Variants in ZNF92 observed in about 807,000 individuals in gnomAD.
ZNF92 encodes the protein epididymis luminal protein 203.
ZNF92 carries 11 observed loss-of-function variants against 12.4 expected under a neutral mutation model. The observed-to-expected ratio is 0.89, with a 90% CI of 0.56 to 1.47. The LOEUF is 1.47. Among genes scored for constraint, ZNF92 ranks in the 40% most tolerant of loss-of-function variants. The pLI is 0.00. For missense variants in ZNF92, 622 were observed against 681.0 expected, an observed-to-expected ratio of 0.91 and a Z score of 0.96; for synonymous variants, 206 against 228.6, an observed-to-expected ratio of 0.90 and a Z score of 0.89.
chr7:65,374,366 C>T (rs912761529), intron 1 of ZNF92, among the ~76,000 whole-genome samples: 3 of 152,048 alleles, frequency 2.0e-5, no homozygotes, highest in Non-Finnish European at 4.4e-5. Context: ...GAGCTTTGGT[C>T]CGTGTGGTTC....
At chr7:65,388,728 C>A in intron 2 of ZNF92, 78 bp from the exon 3 acceptor site, 1 of 1,172,416 alleles carries the variant, frequency 8.5e-7, no homozygotes, top group Non-Finnish European at 1.2e-6. Flanking sequence ...CTATTGCATC[C>A]TCTTTACTGA....
rs1195167112 is a variant in ZNF92, at chr7:65,399,132, C to G, written c.1018C>G (p.Pro340Ala). ...TAAGATAATCCATACTGGGGAAAAACCATACAAATGTGAAGAATGTGGCAA... is the reference window on the plus strand; with the variant it reads ...TAAGATAATCCATACTGGGGAAAAAGCATACAAATGTGAAGAATGTGGCAA... Reference protein sequence around the residue: ...KHKIIHTGEKPYKCEECGKAF... With the variant: ...KHKIIHTGEKAYKCEECGKAF... The change falls in exon 4 of 4, where the codon CCA (proline) becomes GCA (alanine). Residue 340 changes from proline to alanine, a missense_variant. Physicochemically the swap from Pro to Ala is conservative, Grantham distance 27. Transcript: ENST00000328747. The G allele has an allele frequency of 6.2e-7, 1 of 1,612,544 alleles. No homozygotes were observed. The highest frequency in any genetic ancestry group is 1.1e-5 in the South Asian group (1 of 90,916).
At chr7:65,382,122 C>T (rs1486407439) in intron 1 of ZNF92, among the ~76,000 whole-genome samples, 2 of 151,958 alleles carry the variant, frequency 1.3e-5, no homozygotes, top group African/African-American at 4.8e-5. Flanking sequence ...ACACGGATGG[C>T]CTCCCCAGTT....
intron 1 of ZNF92, 26 bp downstream of exon 1, chr7:65,374,026 G>A (rs773303883): frequency 6.2e-7 from 1 of 1,614,054 alleles, no homozygotes. Context: ...CCCACATCCC[G>A]AGAGAGGGGG....
At chr7:65,386,027 T>A (rs2116363942) in intron 1 of ZNF92, among the ~76,000 whole-genome samples, 1 of 152,024 alleles carries the variant, frequency 6.6e-6, no homozygotes, top group East Asian at 1.9e-4. Flanking sequence ...AATTTTTATT[T>A]ATTTATTTTT....
Position 65,398,908 on chromosome 7 carries a change from C to A in ZNF92, c.794C>A (p.Ala265Asp), listed in dbSNP as rs1793925475. Residue 265 changes from alanine (A) to aspartate (D), a missense_variant, in exon 4 of 4, where the codon GCT becomes GAT. Ala to Asp is a moderately radical substitution (Grantham distance 126). Coordinates refer to ENST00000328747, the MANE Select transcript of ZNF92 (RefSeq NM_152626.4). ...KPYKCEECGK[A>D]FNRSSTLTKH... ...TACAAATGTGAAGAATGTGGCAAAG[C>A]TTTTAACCGGTCCTCAACCCTTACT... The A allele has an allele frequency of 6.2e-7, 1 of 1,613,092 alleles. No individual in the cohort carries two copies. Among genetic ancestry groups the A allele is most frequent in the Non-Finnish European group, 8.5e-7 (1 of 1,179,776 alleles).
intron 3 of ZNF92, among the ~76,000 whole-genome samples, chr7:65,394,614 A>G (rs1793802070): frequency 6.6e-6 from 1 of 152,016 alleles, no homozygotes; most frequent in Admixed American, 6.6e-5. Context: ...TTTCTTTACC[A>G]CTGTAGGTTG....
In ZNF92 at chr7:65,387,941, C is replaced by G. The variant is rs774136467; in HGVS notation, c.43C>G (p.Leu15Val). ...TFRDVKIEFS[L>V]EEWQCLDTAQ... ...TAGGGATGTGAAAATAGAATTCTCT[C>G]TAGAGGAATGGCAATGCCTGGACAC... Residue 15 changes from leucine (L) to valine (V), a missense_variant, in exon 2 of 4, where the codon CTA becomes GTA. Leu to Val is a conservative substitution (Grantham distance 32, BLOSUM62 1). Coordinates refer to ENST00000328747, the MANE Select transcript of ZNF92 (RefSeq NM_152626.4). 1 of 1,608,272 alleles carries G rather than the reference C, an allele frequency of 6.2e-7. No individual in the cohort carries two copies. Among genetic ancestry groups the G allele is most frequent in the East Asian group, 2.2e-5 (1 of 44,662 alleles).
chr7:65,394,654 T>C (rs1338838117), intron 3 of ZNF92, among the ~76,000 whole-genome samples: 1 of 152,116 alleles, frequency 6.6e-6, no homozygotes, highest in African/African-American at 2.4e-5. Context: ...TGAAGTTTTT[T>C]TGTTTGTTTT....
At position 65,398,580 on chromosome 7, in the gene ZNF92, A is replaced by G. The variant is rs776666948; in HGVS notation, c.466A>G (p.Lys156Glu). 1.1e-5 allele frequency: 18 copies of G among 1,607,892 alleles called. No homozygotes were observed. The highest frequency in any genetic ancestry group is 1.4e-5 in the Non-Finnish European group (17 of 1,178,188). Residue 156 changes from lysine (K) to glutamate (E), a missense_variant, in exon 4 of 4, where the codon AAA (lysine) becomes GAA (glutamate). By Grantham distance (56) the Lys-to-Glu change is moderately conservative. Transcript: ENST00000328747. ...QCDKYVKVFH[K>E]FPNVNRNKIR... is the part of the protein sequence containing the mutation. ...TGATAAATATGTGAAAGTCTTTCAT[A>G]AATTTCCAAATGTAAATAGAAATAA...
chr7:65,399,344 A>G lies in ZNF92; in HGVS notation c.1230A>G (p.Ser410=). The change falls in exon 4 of 4, where the codon TCA becomes TCG. Residue 410 remains serine (S), a synonymous_variant. Coordinates refer to ENST00000328747, the MANE Select transcript of ZNF92 (RefSeq NM_152626.4). The stretch of plus-strand genomic sequence containing the variant: ...GTGGCAAAGCTTTTAAACAGTCCTC[A>G]ACCCTTACTGAACATAAGATAATTC... ...EECGKAFKQS[S]TLTEHKIIHT... 1.2e-6 allele frequency: 2 copies of G among 1,613,680 alleles called. No homozygotes were observed. The highest frequency in any genetic ancestry group is 2.2e-5 in the South Asian group (2 of 91,046).
At chr7:65,382,806 A>T (rs1309067420) in intron 1 of ZNF92, among the ~76,000 whole-genome samples, 1 of 152,102 alleles carries the variant, frequency 6.6e-6, no homozygotes, top group Admixed American at 6.6e-5. Flanking sequence ...GCGGCTCCAC[A>T]TTCTGAATCT....
At chr7:65,383,006 A>C (rs1315202142) in intron 1 of ZNF92, among the ~76,000 whole-genome samples, 3 of 152,098 alleles carry the variant, frequency 2.0e-5, no homozygotes, top group African/African-American at 7.2e-5. Flanking sequence ...GAACACTATA[A>C]CCCACACCCT....
At chr7:65,389,927 G>A (rs1165659290) in intron 3 of ZNF92, among the ~76,000 whole-genome samples, 1 of 151,756 alleles carries the variant, frequency 6.6e-6, no homozygotes, top group Non-Finnish European at 1.5e-5. Flanking sequence ...CGCCTCCCGA[G>A]TTCACACCAT....
chr7:65,391,363 T>C (rs1457725292), intron 3 of ZNF92, among the ~76,000 whole-genome samples: 1 of 152,048 alleles, frequency 6.6e-6, no homozygotes, highest in African/African-American at 2.4e-5. Context: ...TCCTATACAT[T>C]TTTACTTTCT....
rs373793402 is a variant in ZNF92, at chr7:65,387,925, G to A, written c.27G>A (p.Val9=). 1.2e-6 allele frequency: 2 copies of A among 1,606,920 alleles called. No homozygotes were observed. The highest frequency in any genetic ancestry group is 8.5e-7 in the Non-Finnish European group (1 of 1,176,838). The change falls in exon 2 of 4, where the codon GTG becomes GTA. Residue 9 remains valine, a synonymous_variant. Transcript: ENST00000328747. ...AGGGACCACTGACATTTAGGGATGT[G>A]AAAATAGAATTCTCTCTAGAGGAAT... MGPLTFRD[V]KIEFSLEEWQ... is the part of the protein sequence containing the mutation.
At chr7:65,392,867 A>C (rs1793751880) in intron 3 of ZNF92, among the ~76,000 whole-genome samples, 1 of 151,908 alleles carries the variant, frequency 6.6e-6, no homozygotes, top group Non-Finnish European at 1.5e-5. Context: ...CAGCTTGGAC[A>C]GCATGTGGAG....
chr7:65,399,684 C>G lies in ZNF92; in HGVS notation c.1570C>G (p.Leu524Val). Residue 524 changes from leucine to valine, a missense_variant, in exon 4 of 4, where the codon CTT becomes GTT. Transcript: ENST00000328747. Reference protein sequence around the residue: ...CGNAFNQSSNLTARKIIYTGE... With the variant: ...CGNAFNQSSNVTARKIIYTGE... ...CAATGCTTTTAACCAGTCCTCAAAC[C>G]TTACTGCACGTAAGATAATTTATAC... 1.2e-6 allele frequency: 2 copies of G among 1,613,570 alleles called. No homozygotes were observed. Among genetic ancestry groups the G allele is most frequent in the Non-Finnish European group, 1.7e-6 (2 of 1,179,726 alleles).
chr7:65,378,272 C>G (rs985980325), intron 1 of ZNF92, among the ~76,000 whole-genome samples: 17 of 144,030 alleles, frequency 1.2e-4, no homozygotes, highest in Admixed American at 9.4e-4. Context: ...CCAGCCTGGG[C>G]AACAGAGCCA....
Sources: allele counts gnomAD v4.1 joint callset (sites outside exome capture counted in the v4.1 genomes callset), GRCh38; gene constraint gnomAD v4.1.1; transcripts MANE v1.5; gene names NCBI Gene and HGNC (gene_info 2026-07-23, HGNC 2026-07-21).